ATP10A: variants seen among roughly 807,000 people sequenced by gnomAD.
ATP10A encodes the protein ATPase phospholipid transporting 10A (putative), also known as phospholipid-transporting ATPase VA.
Under a neutral mutation model 147.8 loss-of-function variants are expected in ATP10A, and 111 were observed. That is an observed-to-expected ratio of 0.75 (90% CI 0.64 to 0.88). The LOEUF (loss-of-function observed/expected upper bound fraction) is 0.88. ATP10A is among the 40% of genes least tolerant of loss of function. The pLI, the probability that ATP10A is intolerant of heterozygous loss-of-function variation, is 0.00. For missense variants in ATP10A, 1,927 were observed against 1,959.0 expected (o/e 0.98, Z 0.31); for synonymous variants, 875 against 841.6 (o/e 1.04, Z -0.69).
intron 10 of ATP10A, 160 bp from the exon 11 acceptor site, chr15:25,708,460 A>G: frequency 1.9e-6 from 1 of 514,308 alleles, no homozygotes; most frequent in Non-Finnish European, 3.2e-6. Flanking sequence ...GTTTTAAAAA[A>G]GAGTCTCATC....
chr15:25,772,669 A>G (rs1310737273), intron 2 of ATP10A, among the ~76,000 whole-genome samples: 1 of 152,212 alleles, frequency 6.6e-6, no homozygotes, highest in Non-Finnish European at 1.5e-5. Context: ...CCAGTGCGGC[A>G]AAGGTCAGTT....
chr15:25,705,063 G>A (rs568966478), intron 12 of ATP10A, among the ~76,000 whole-genome samples: 21 of 152,288 alleles, frequency 1.4e-4, no homozygotes, highest in African/African-American at 5.1e-4. Context: ...AGAGCATTAA[G>A]GAAAAGAAAA....
At chr15:25,774,039 G>T (rs1193718213) in intron 2 of ATP10A, among the ~76,000 whole-genome samples, 1 of 147,592 alleles carries the variant, frequency 6.8e-6, no homozygotes, top group African/African-American at 2.5e-5. Flanking sequence ...TTAAATTCCC[G>T]TTTTTTTTTT....
intron 1 of ATP10A, among the ~76,000 whole-genome samples, chr15:25,829,544 C>T (rs558677577): frequency 3.3e-5 from 5 of 152,182 alleles, no homozygotes; most frequent in African/African-American, 9.6e-5. Flanking sequence ...CATTCTAATG[C>T]GGAGGAGGGT....
chr15:25,774,378 C>T (rs953750314), intron 2 of ATP10A, among the ~76,000 whole-genome samples: 4 of 152,108 alleles, frequency 2.6e-5, no homozygotes, highest in Admixed American at 1.3e-4. Context: ...AGTTCAAGAC[C>T]AGCCTGACCA....
chr15:25,693,661 G>C (rs1201365152), intron 14 of ATP10A, among the ~76,000 whole-genome samples: 1 of 152,208 alleles, frequency 6.6e-6, no homozygotes, highest in African/African-American at 2.4e-5. Flanking sequence ...GCACATGAAG[G>C]CAAAGATGGC....
At chr15:25,808,721 A>G (rs1891303840) in intron 1 of ATP10A, among the ~76,000 whole-genome samples, 1 of 152,132 alleles carries the variant, frequency 6.6e-6, no homozygotes, top group African/African-American at 2.4e-5. Flanking sequence ...TTCCCAACTC[A>G]GGTATTTTTA....
chr15:25,740,644 C>A (rs912921392), intron 2 of ATP10A, among the ~76,000 whole-genome samples: 2 of 152,214 alleles, frequency 1.3e-5, no homozygotes, highest in African/African-American at 4.8e-5. Context: ...TCACTTCCAG[C>A]CTTGACATCA....
intron 9 of ATP10A, among the ~76,000 whole-genome samples, chr15:25,715,324 C>T (rs1020379562): frequency 4.6e-5 from 7 of 152,112 alleles, no homozygotes; most frequent in African/African-American, 1.7e-4. Flanking sequence ...CAAATGTCCT[C>T]GAAGGTGGCG....
chr15:25,726,147 T>C, intron 4 of ATP10A, 65 bp from the exon 5 acceptor site: 1 of 1,563,044 alleles, frequency 6.4e-7, no homozygotes. Context: ...GCTGCATGGA[T>C]GGCGTGGAGG....
intron 10 of ATP10A, chr15:25,709,731 C>T (rs1373262320): frequency 6.6e-6 from 1 of 152,300 alleles, no homozygotes; most frequent in Non-Finnish European, 1.5e-5. Flanking sequence ...AGCCCGTTGT[C>T]CTCTCCTGCA....
chr15:25,753,761 A>AGTT (rs1888274982), intron 2 of ATP10A, among the ~76,000 whole-genome samples: 1 of 148,576 alleles, frequency 6.7e-6, no homozygotes, highest in Non-Finnish European at 1.5e-5. Flanking sequence ...TATCATATAT[A>AGTT]GTTATATATA....
At position 25,704,007 on chromosome 15, in the gene ATP10A, G is replaced by A. The variant is rs552604831; in HGVS notation, c.2576-1907C>T. On this transcript the variant is annotated intron_variant, in intron 12 of 20. Coordinates refer to ENST00000555815, the MANE Select transcript of ATP10A (RefSeq NM_024490.4). ...CTGCTCAGGAAGAAAGCCAGGTCAC[G>A]CTCTGTGCTCCCCGTGAGCACATCC... 5.9e-5 allele frequency among the ~76,000 whole-genome samples: 9 copies of A among 152,110 alleles called. No homozygotes were observed. In the East Asian group the frequency reaches 7.8e-4, roughly 13 times the overall value.
chr15:25,824,507 T>C (rs4906787), intron 1 of ATP10A, among the ~76,000 whole-genome samples: 11 of 146,382 alleles, frequency 7.5e-5, no homozygotes, highest in Non-Finnish European at 1.6e-4. Context: ...AAAAAACATT[T>C]CTCAACTCAT....
At chr15:25,764,821 C>T (rs369139048) in intron 2 of ATP10A, among the ~76,000 whole-genome samples, 2 of 152,314 alleles carry the variant, frequency 1.3e-5, no homozygotes, top group South Asian at 4.1e-4. Flanking sequence ...AGACGCTCTA[C>T]CTTCGGGTTT....
chr15:25,745,154 C>A (rs1887779899), intron 2 of ATP10A, among the ~76,000 whole-genome samples: 2 of 151,988 alleles, frequency 1.3e-5, no homozygotes, highest in South Asian at 4.2e-4. Flanking sequence ...GGTGAAATCT[C>A]AACTCTACTA....
At chr15:25,739,119 G>C (rs1887443039) in intron 2 of ATP10A, among the ~76,000 whole-genome samples, 1 of 152,068 alleles carries the variant, frequency 6.6e-6, no homozygotes, top group Non-Finnish European at 1.5e-5. Flanking sequence ...ATCCAGGCTG[G>C]AGTGCAGTGG....
At chr15:25,827,459 C>T (rs1219417500) in intron 1 of ATP10A, among the ~76,000 whole-genome samples, 1 of 152,158 alleles carries the variant, frequency 6.6e-6, no homozygotes, top group East Asian at 1.9e-4. Context: ...GATGGGCATA[C>T]AAGGTATACA....
At chr15:25,770,133 G>A (rs17556168) in intron 2 of ATP10A, among the ~76,000 whole-genome samples, 28,264 of 152,128 alleles carry the variant, frequency 0.19, 2,834 homozygotes, top group Non-Finnish European at 0.22. Flanking sequence ...TACGAGGTGA[G>A]CATTTAAAAC....
Sources: allele counts gnomAD v4.1 joint callset (sites outside exome capture counted in the v4.1 genomes callset), GRCh38; gene constraint gnomAD v4.1.1; transcripts MANE v1.5; gene names NCBI Gene and HGNC (gene_info 2026-07-23, HGNC 2026-07-21).